The following TBC1D5 variants were observed in gnomAD, a reference collection of about 807,000 sequenced individuals.
TBC1D5 encodes the protein TBC1 domain family, member 5.
A neutral mutation model predicts 100.3 loss-of-function variants in TBC1D5; 75 were observed. The ratio of observed to expected loss-of-function variants is 0.75; its 90% confidence interval spans 0.62 to 0.91. The LOEUF (loss-of-function observed/expected upper bound fraction) is 0.91. TBC1D5 is among the 40% of genes least tolerant of loss of function. TBC1D5 has a pLI of 0.00. For synonymous variants in TBC1D5, 323 were observed against 325.6 expected (o/e 0.99, Z 0.09); for missense variants, 910 against 942.4 (o/e 0.97, Z 0.45).
At chr3:17,530,428 A>G (rs994557162) in intron 2 of TBC1D5, among the ~76,000 whole-genome samples, 3 of 152,200 alleles carry the variant, frequency 2.0e-5, no homozygotes, top group Admixed American at 6.5e-5. Context: ...GGGAGTGACC[A>G]TAATTTAGAT....
intron 8 of TBC1D5, among the ~76,000 whole-genome samples, chr3:17,391,103 C>T (rs2093338187): frequency 6.6e-6 from 1 of 152,124 alleles, no homozygotes; most frequent in Non-Finnish European, 1.5e-5. Flanking sequence ...TGAAAAAGAA[C>T]ATGGGGAAGA....
At chr3:17,469,957 C>G (rs2095353969) in intron 3 of TBC1D5, among the ~76,000 whole-genome samples, 1 of 152,210 alleles carries the variant, frequency 6.6e-6, no homozygotes, top group South Asian at 2.1e-4. Flanking sequence ...AGTTAATCAT[C>G]TCATTTTGAT....
At chr3:17,391,618 G>A (rs1346403225) in intron 8 of TBC1D5, among the ~76,000 whole-genome samples, 6 of 151,728 alleles carry the variant, frequency 4.0e-5, no homozygotes, top group Admixed American at 3.9e-4. Context: ...CTGGATAGAA[G>A]ACAGAAGGAC....
chr3:17,343,103 T>C (rs553229362), intron 13 of TBC1D5, among the ~76,000 whole-genome samples: 2 of 152,258 alleles, frequency 1.3e-5, no homozygotes, highest in African/African-American at 2.4e-5. Flanking sequence ...GGCTGTGGGT[T>C]TGTCATAGAT....
At chr3:17,225,439 C>CAAA (rs35631452) in intron 17 of TBC1D5, among the ~76,000 whole-genome samples, 10 of 88,272 alleles carry the variant, frequency 1.1e-4, no homozygotes, top group African/African-American at 1.7e-4. Flanking sequence ...GACTCGGTCT[C>CAAA]AAAAAAAAAA....
At chr3:17,649,170 CT>C (rs1286730449) in intron 1 of TBC1D5, among the ~76,000 whole-genome samples, 1 of 152,116 alleles carries the variant, frequency 6.6e-6, no homozygotes, top group Admixed American at 6.6e-5. Flanking sequence ...GAGATCATGT[CT>C]TTTGTGGGAA....
chr3:17,319,073 G>A (rs1232864744), intron 13 of TBC1D5, among the ~76,000 whole-genome samples: 2 of 152,184 alleles, frequency 1.3e-5, no homozygotes, highest in African/African-American at 2.4e-5. Context: ...GTCTAGAATT[G>A]TATTTCGGGC....
intron 1 of TBC1D5, among the ~76,000 whole-genome samples, chr3:17,703,934 T>C (rs979111911): frequency 8.0e-5 from 12 of 150,408 alleles, no homozygotes; most frequent in Admixed American, 7.3e-4. Context: ...TTTTAATTTA[T>C]TTTTTTATTG....
At chr3:17,331,944 T>C (rs542978671) in intron 13 of TBC1D5, among the ~76,000 whole-genome samples, 7 of 152,336 alleles carry the variant, frequency 4.6e-5, no homozygotes, top group South Asian at 2.1e-4. Flanking sequence ...TAGGGCCTTA[T>C]AGGCCATAGC....
At chr3:17,189,602 T>TATATTC (rs757735238) in intron 18 of TBC1D5, among the ~76,000 whole-genome samples, 1 of 152,236 alleles carries the variant, frequency 6.6e-6, no homozygotes, top group Non-Finnish European at 1.5e-5. Context: ...ACTTCTGAGG[T>TATATTC]ATATTCTCTC....
chr3:17,386,122 C>T lies in TBC1D5; in HGVS notation c.510-2107G>A, dbSNP rs536872909. On this transcript the variant is annotated intron_variant, in intron 8 of 21. Transcript: ENST00000253692. Reference sequence around the variant, plus strand: ...CTTGGGAAACTTAGCCATTAAGCTACGAATAGAATAATACTTTTGAGAGGT... The same window carrying T: ...CTTGGGAAACTTAGCCATTAAGCTATGAATAGAATAATACTTTTGAGAGGT... Among the ~76,000 whole-genome samples the T allele has an allele frequency of 7.2e-5, 11 of 152,148 alleles. No individual in the cohort carries two copies. In the East Asian group the frequency reaches 1.7e-3, roughly 24 times the overall value.
upstream of TBC1D5, chr3:17,742,524 C>CCTCCTCCT (rs1446108484): frequency 6.5e-6 from 1 of 152,758 alleles, no homozygotes; most frequent in Middle Eastern, 3.1e-3. Context: ...CCTGAATCCT[C>CCTCCTCCT]CTCCTCCTCC....
At chr3:17,687,903 CAG>C (rs1380118962) in intron 1 of TBC1D5, among the ~76,000 whole-genome samples, 1 of 151,962 alleles carries the variant, frequency 6.6e-6, no homozygotes, top group East Asian at 1.9e-4. Flanking sequence ...CTAAGGAAGA[CAG>C]AATAAATTTT....
intron 3 of TBC1D5, among the ~76,000 whole-genome samples, chr3:17,456,345 G>A (rs1181228235): frequency 6.6e-6 from 1 of 152,042 alleles, no homozygotes; most frequent in Non-Finnish European, 1.5e-5. Flanking sequence ...TAGAAAAAAT[G>A]AACAAAGTGA....
intron 3 of TBC1D5, among the ~76,000 whole-genome samples, chr3:17,505,053 ATTTT>A (rs960707060): frequency 6.6e-6 from 1 of 152,116 alleles, no homozygotes; most frequent in African/African-American, 2.4e-5. Flanking sequence ...AACATCTTGG[ATTTT>A]TTTTAAGTTG....
intron 2 of TBC1D5, among the ~76,000 whole-genome samples, chr3:17,615,219 A>T (rs9713834): frequency 1 from 152,181 of 152,356 alleles, 76,003 homozygotes; most frequent in Middle Eastern, 1. Flanking sequence ...CAGCCTTGCA[A>T]CCCAGGGATG....
At chr3:17,740,143 C>G (rs2077297526) in exon 1 of TBC1D5, 1 of 151,928 alleles carries the variant, frequency 6.6e-6, no homozygotes, top group Non-Finnish European at 1.5e-5. Context: ...GGTGAAACTC[C>G]TCCGTCTCTA....
At position 17,422,474 on chromosome 3, in the gene TBC1D5, A is replaced by G. The variant is rs116744165; in HGVS notation, c.167+5976T>C. ...AGCGCTGAGATTACTGGGGTAAGCCACTGAGCCTGCTCTCGTCCAATGAGC... is the reference window on the plus strand; with the variant it reads ...AGCGCTGAGATTACTGGGGTAAGCCGCTGAGCCTGCTCTCGTCCAATGAGC... On this transcript the variant is annotated intron_variant, in intron 4 of 21. Coordinates refer to ENST00000253692, the Ensembl canonical transcript of TBC1D5. Among the ~76,000 whole-genome samples, 415 of 152,116 alleles carry G rather than the reference A, an allele frequency of 2.7e-3. 5 individuals are homozygous for G. Among genetic ancestry groups the G allele is most frequent in the Non-Finnish European group, 5.1e-3 (348 of 67,996 alleles).
At chr3:17,197,095 C>T (rs980937524) in intron 18 of TBC1D5, among the ~76,000 whole-genome samples, 1 of 152,162 alleles carries the variant, frequency 6.6e-6, no homozygotes, top group African/African-American at 2.4e-5. Flanking sequence ...ACTTCCATAA[C>T]CAAATCCATC....
Sources: allele counts gnomAD v4.1 joint callset (sites outside exome capture counted in the v4.1 genomes callset), GRCh38; gene constraint gnomAD v4.1.1; transcripts MANE v1.5; gene names NCBI Gene and HGNC (gene_info 2026-07-23, HGNC 2026-07-21).